The following SPTLC2 variants were observed in gnomAD, a reference collection of about 807,000 sequenced individuals.
SPTLC2 encodes serine palmitoyltransferase 2.
A neutral mutation model predicts 62.0 loss-of-function variants in SPTLC2; 21 were observed. The ratio of observed to expected loss-of-function variants is 0.34; its 90% CI spans 0.24 to 0.49. The LOEUF (loss-of-function observed/expected upper bound fraction) is 0.49. Among genes scored for constraint, SPTLC2 ranks in the 20% least tolerant of loss-of-function variants. The probability of loss-of-function intolerance (pLI) is 0.99; values close to 1 mark genes in which losing one functional copy is unlikely to be tolerated. For missense variants in SPTLC2, 511 were observed against 713.0 expected (o/e 0.72, Z 3.23); for synonymous variants, 261 against 261.8 (o/e 1.00, Z 0.03).
chr14:77,557,050 C>T lies in SPTLC2; in HGVS notation c.947G>A (p.Gly316Glu). The part of the protein sequence containing the change: ...PWKKILILVE[G>E]IYSMEGSIVR... ...AATAAAGCAGGATTACCTATATATT[C>T]CTTCCACAAGGATGAGAATTTTCTT... The change falls in exon 7 of 12, where the codon GGA becomes GAA. Residue 316 changes from glycine (G) to glutamate (E), a missense_variant. Transcript: ENST00000216484. 1 of 1,613,746 alleles carries T rather than the reference C, an allele frequency of 6.2e-7. No homozygotes were observed. Among genetic ancestry groups the T allele is most frequent in the Non-Finnish European group, 8.5e-7 (1 of 1,179,826 alleles).
intron 6 of SPTLC2, 111 bp downstream of exon 6, chr14:77,562,282 GCTA>G: frequency 1.1e-6 from 1 of 910,092 alleles, no homozygotes; most frequent in East Asian, 2.4e-5. Context: ...TTTAAATGTT[GCTA>G]CTTTGTCTTC....
chr14:77,545,850 AG>A (rs2079525569), intron 9 of SPTLC2, among the ~76,000 whole-genome samples: 1 of 152,242 alleles, frequency 6.6e-6, no homozygotes, highest in Non-Finnish European at 1.5e-5. Flanking sequence ...TCTTGTTGCA[AG>A]AAACTTTTAA....
In SPTLC2 at chr14:77,561,391, A is replaced by G. The variant is rs552252719; in HGVS notation, c.850+1005T>C. ...TTGGGAGGCCAAGGCGGGAGGATCA[A>G]CTGAAGTCGGGAGTTCAAGACCAGT... On this transcript the variant is annotated intron_variant, in intron 6 of 11. Transcript: ENST00000216484. Among the ~76,000 whole-genome samples the G allele has an allele frequency of 1.1e-3, 171 of 152,190 alleles. 2 individuals are homozygous for G. The highest frequency in any genetic ancestry group is 2.1e-3 in the Non-Finnish European group (141 of 67,998).
Position 77,576,779 on chromosome 14 carries a change from G to A in SPTLC2, c.619C>T (p.Arg207Trp). 4.3e-6 allele frequency: 7 copies of A among 1,614,082 alleles called. No homozygotes were observed. Among genetic ancestry groups the A allele is most frequent in the Non-Finnish European group, 5.1e-6 (6 of 1,180,008 alleles). Residue 207 changes from arginine to tryptophan, a missense_variant, in exon 4 of 12, where the codon CGG (arginine) becomes TGG (tryptophan). Coordinates refer to ENST00000216484, the MANE Select transcript of SPTLC2 (RefSeq NM_004863.4). ...EEYGAGVCST[R>W]QEIGNLDKHE... ...AGCTTTCACTTACCAATTTCCTGCC[G>A]AGTACTGCACACTCCAGCTCCATAC...
intron 2 of SPTLC2, among the ~76,000 whole-genome samples, chr14:77,585,413 C>A (rs2079775682): frequency 6.6e-6 from 1 of 152,092 alleles, no homozygotes; most frequent in Non-Finnish European, 1.5e-5. Flanking sequence ...ACTACTAATT[C>A]CATTAAGAAT....
chr14:77,614,673 C>CA (rs2079956265), intron 1 of SPTLC2, among the ~76,000 whole-genome samples: 13 of 142,500 alleles, frequency 9.1e-5, no homozygotes, highest in African/African-American at 3.1e-4. Flanking sequence ...CAAAAAAAAC[C>CA]AAAAAAACAA....
chr14:77,519,469 C>A (rs954799097), intron 10 of SPTLC2, among the ~76,000 whole-genome samples: 1 of 151,902 alleles, frequency 6.6e-6, no homozygotes, highest in Admixed American at 6.6e-5. Context: ...GTAATCCCAG[C>A]ACTTTGGGAG....
At chr14:77,530,587 CA>C (rs2079433346) in intron 9 of SPTLC2, among the ~76,000 whole-genome samples, 1 of 152,186 alleles carries the variant, frequency 6.6e-6, no homozygotes. Context: ...GCCTAAACCA[CA>C]AGATCTTTCA....
At chr14:77,576,621 C>G in intron 4 of SPTLC2, 146 bp downstream of exon 4, 3 of 1,142,896 alleles carry the variant, frequency 2.6e-6, no homozygotes, top group Non-Finnish European at 3.8e-6. Context: ...ATCCATCACA[C>G]TTCAGAAAAA....
chr14:77,506,266 T>G lies in SPTLC2; in HGVS notation c.*6018A>C, dbSNP rs886050830. The G allele has an allele frequency of 2.0e-5, 3 of 152,208 alleles. No homozygotes were observed. Among genetic ancestry groups the G allele is most frequent in the Non-Finnish European group, 4.4e-5 (3 of 68,042 alleles). The allele number at this position is 152,208 out of a possible 1,614,324, so 9.4% of individuals were successfully genotyped here. A position where few individuals can be genotyped will look rare whatever the true frequency, so the allele number is the denominator to read the frequency against. ...TTTAAGCTTTTATTTACACATCCCC[T>G]TCTCTCAGTTTCCCAGGTTATATGA... is the stretch of plus-strand genomic sequence containing the variant. On this transcript the variant is annotated 3_prime_UTR_variant, in exon 12 of 12. Transcript: ENST00000216484.
At position 77,588,131 on chromosome 14, in the gene SPTLC2, A is replaced by G. The variant is rs147965512; in HGVS notation, c.328-9022T>C. ...TTTTTAAATTTTTTGTAGAGACAAG[A>G]TCTCTCTCTGTTGCCCACGCCAGTC... On this transcript the variant is annotated intron_variant, in intron 2 of 11. Transcript: ENST00000216484. 2.2e-4 allele frequency among the ~76,000 whole-genome samples: 34 copies of G among 152,038 alleles called. No individual in the cohort carries two copies. In the East Asian group the frequency reaches 6.4e-3, roughly 29 times the overall value.
chr14:77,586,231 A>G (rs2079780821), intron 2 of SPTLC2, among the ~76,000 whole-genome samples: 2 of 151,924 alleles, frequency 1.3e-5, no homozygotes, highest in Non-Finnish European at 2.9e-5. Flanking sequence ...GTGCACCACC[A>G]TATCCCGCTA....
At position 77,559,254 on chromosome 14, in the gene SPTLC2, C is replaced by T. The variant is rs372060463; in HGVS notation, c.851-2108G>A. The stretch of plus-strand genomic sequence containing the variant: ...ATGAGAATCGCTTAAACCCAGGAGA[C>T]GGAGGTTGCAGTGAGCCAAGATCAC... On this transcript the variant is annotated intron_variant, in intron 6 of 11. Transcript: ENST00000216484. 6.9e-4 allele frequency among the ~76,000 whole-genome samples: 105 copies of T among 152,082 alleles called. 1 individual carries two copies. The East Asian group carries it at 0.013, about 19-fold the overall frequency.
At chr14:77,550,749 A>G (rs948105135) in intron 9 of SPTLC2, among the ~76,000 whole-genome samples, 3 of 151,674 alleles carry the variant, frequency 2.0e-5, no homozygotes, top group African/African-American at 7.3e-5. Context: ...AAAAAATACA[A>G]AAAAAATGGC....
intron 8 of SPTLC2, among the ~76,000 whole-genome samples, chr14:77,553,866 A>G (rs1285049787): frequency 6.6e-6 from 1 of 151,870 alleles, no homozygotes; most frequent in African/African-American, 2.4e-5. Flanking sequence ...CCAGGCTGCA[A>G]TGCAGTGGTG....
rs191347610 is a variant in SPTLC2, at chr14:77,540,622, C to T, written c.1303+11474G>A. On this transcript the variant is annotated intron_variant, in intron 9 of 11. Coordinates refer to ENST00000216484, the MANE Select transcript of SPTLC2 (RefSeq NM_004863.4). ...CCCGAGTAGCTGGGACTACAGACGG[C>T]CGCCACCACACCTGGCTAATTTTTG... Among the ~76,000 whole-genome samples the T allele has an allele frequency of 1.4e-4, 21 of 152,092 alleles. No homozygotes were observed. In the East Asian group the frequency reaches 4.1e-3, roughly 30 times the overall value.
chr14:77,594,755 C>T (rs974640754), intron 2 of SPTLC2, among the ~76,000 whole-genome samples: 3 of 152,228 alleles, frequency 2.0e-5, no homozygotes, highest in African/African-American at 7.2e-5. Context: ...GTGCTGTCTG[C>T]ACCACAATCA....
intron 9 of SPTLC2, among the ~76,000 whole-genome samples, chr14:77,524,829 A>T (rs2079401001): frequency 6.6e-6 from 1 of 152,124 alleles, no homozygotes; most frequent in Admixed American, 6.5e-5. Context: ...AGAGTAGAAC[A>T]GTGGTTACCA....
chr14:77,589,410 C>T (rs927577937), intron 2 of SPTLC2, among the ~76,000 whole-genome samples: 1 of 151,970 alleles, frequency 6.6e-6, no homozygotes, highest in Non-Finnish European at 1.5e-5. Flanking sequence ...ACACCTACCT[C>T]GACTACAAAT....
Sources: allele counts gnomAD v4.1 joint callset (sites outside exome capture counted in the v4.1 genomes callset), GRCh38; gene constraint gnomAD v4.1.1; transcripts MANE v1.5; gene names NCBI Gene and HGNC (gene_info 2026-07-23, HGNC 2026-07-21).